The following EPHA3 variants were observed in gnomAD, a reference collection of about 807,000 sequenced individuals.
EPHA3 encodes the protein EPH receptor A3.
In EPHA3, 42 loss-of-function variants were observed where a neutral mutation model predicts 107.1. The ratio of observed to expected loss-of-function variants is 0.39; its 90% CI spans 0.31 to 0.51. EPHA3 has a LOEUF of 0.51. Ranked by LOEUF, EPHA3 falls within the 20% of genes least tolerant of loss-of-function variation. EPHA3 has a pLI of 0.78. For synonymous variants in EPHA3, 461 were observed against 424.8 expected (o/e 1.09, Z -1.05); for missense variants, 1,183 against 1,211.2 (o/e 0.98, Z 0.35).
intron 13 of EPHA3, among the ~76,000 whole-genome samples, chr3:89,440,058 A>T (rs575457166): frequency 6.6e-6 from 1 of 152,088 alleles, no homozygotes; most frequent in African/African-American, 2.4e-5. Flanking sequence ...TCTTGTGGCA[A>T]TCAACATTTG....
rs571545158 is a variant in EPHA3, at chr3:89,319,811, A to C, written c.815-21105A>C. Among the ~76,000 whole-genome samples the C allele has an allele frequency of 1.3e-3, 192 of 152,092 alleles. 1 individual carries two copies. Among genetic ancestry groups the C allele is most frequent in the African/African-American group, 4.4e-3 (184 of 41,538 alleles). ...GAATTCCCTATAATTAAAAATTATT[A>C]GTGGTTTTCAGTAGAGGCTCATGGT... On this transcript the variant is annotated intron_variant, in intron 3 of 16. Coordinates refer to ENST00000336596, the MANE Select transcript of EPHA3 (RefSeq NM_005233.6).
intron 15 of EPHA3, among the ~76,000 whole-genome samples, chr3:89,471,029 T>C (rs539178720): frequency 3.3e-5 from 5 of 152,280 alleles, no homozygotes; most frequent in African/African-American, 1.2e-4. Context: ...TTATTATTCA[T>C]CCAAAACTAA....
chr3:89,379,163 A>G (rs1468581920), intron 5 of EPHA3, among the ~76,000 whole-genome samples: 1 of 152,172 alleles, frequency 6.6e-6, no homozygotes, highest in Non-Finnish European at 1.5e-5. Flanking sequence ...TGTGAGGTAT[A>G]AAGTTATTTA....
intron 3 of EPHA3, among the ~76,000 whole-genome samples, chr3:89,239,077 G>A (rs373235292): frequency 7.2e-5 from 11 of 152,148 alleles, no homozygotes; most frequent in Non-Finnish European, 1.6e-4. Flanking sequence ...CACAGTATGC[G>A]AGAGTGATTA....
intron 3 of EPHA3, among the ~76,000 whole-genome samples, chr3:89,232,871 T>A (rs1179689820): frequency 6.6e-6 from 1 of 152,204 alleles, no homozygotes; most frequent in Admixed American, 6.5e-5. Context: ...ATTAGAAAGA[T>A]AACAGGCAAT....
chr3:89,366,518 C>A (rs1000630075), intron 5 of EPHA3, among the ~76,000 whole-genome samples: 2 of 150,656 alleles, frequency 1.3e-5, no homozygotes, highest in African/African-American at 2.4e-5. Context: ...AGATCTGATT[C>A]TTGAGAAAGA....
chr3:89,151,662 T>C (rs779892914), intron 2 of EPHA3, among the ~76,000 whole-genome samples: 8 of 152,194 alleles, frequency 5.3e-5, no homozygotes, highest in Non-Finnish European at 1.0e-4. Flanking sequence ...GGTTCAATCA[T>C]TGGAGCATAA....
intron 15 of EPHA3, among the ~76,000 whole-genome samples, chr3:89,468,472 C>G (rs1576394128): frequency 6.6e-6 from 1 of 152,274 alleles, no homozygotes; most frequent in Non-Finnish European, 1.5e-5. Flanking sequence ...AGGCACACTT[C>G]ATAAATATTC....
At position 89,476,607 on chromosome 3, in the gene EPHA3, T is replaced by G. The variant is rs1444502340; in HGVS notation, c.2847-2790T>G. On this transcript the variant is annotated intron_variant, in intron 16 of 16. Coordinates refer to ENST00000336596, the MANE Select transcript of EPHA3 (RefSeq NM_005233.6). ...TATTTTTATTTATTTATTTATTTAT[T>G]TATTTATTTAATTTTTTTGAGGCGG... Among the ~76,000 whole-genome samples the G allele has an allele frequency of 4.3e-4, 63 of 145,194 alleles. 2 individuals carry two copies. In the Admixed American group the frequency reaches 4.4e-3, roughly 10 times the overall value.
chr3:89,301,227 TTCAAAAATATTTTG>T (rs1265092149), intron 3 of EPHA3, among the ~76,000 whole-genome samples: 4 of 152,120 alleles, frequency 2.6e-5, no homozygotes, highest in African/African-American at 9.7e-5. Flanking sequence ...GAAAAGAATT[TTCAAAAATATTTTG>T]AGTGTAGCAA....
intron 2 of EPHA3, among the ~76,000 whole-genome samples, chr3:89,163,577 T>C (rs532231256): frequency 4.0e-5 from 6 of 150,768 alleles, no homozygotes; most frequent in African/African-American, 9.7e-5. Context: ...TAATATCCAA[T>C]GTATACTTCT....
intron 5 of EPHA3, among the ~76,000 whole-genome samples, chr3:89,356,183 A>T (rs989820925): frequency 6.6e-6 from 1 of 150,866 alleles, no homozygotes; most frequent in East Asian, 1.9e-4. Context: ...TTATGGCTGC[A>T]TAGTATTCCA....
chr3:89,461,137 C>A (rs1710230843), intron 15 of EPHA3, among the ~76,000 whole-genome samples: 1 of 90,232 alleles, frequency 1.1e-5, no homozygotes, highest in South Asian at 3.3e-4. Flanking sequence ...TCATCCATGT[C>A]CCTACAAAGG....
At chr3:89,453,547 A>T (rs1710037205) in intron 15 of EPHA3, among the ~76,000 whole-genome samples, 1 of 152,218 alleles carries the variant, frequency 6.6e-6, no homozygotes, top group Non-Finnish European at 1.5e-5. Flanking sequence ...TGTACAGAAT[A>T]TAAACATTTG....
At chr3:89,110,953 T>G (rs1707092083) in intron 1 of EPHA3, among the ~76,000 whole-genome samples, 1 of 151,972 alleles carries the variant, frequency 6.6e-6, no homozygotes, top group Non-Finnish European at 1.5e-5. Flanking sequence ...ACTAAATCAT[T>G]TTTTCTATCC....
chr3:89,335,473 G>A (rs929494503), intron 3 of EPHA3, among the ~76,000 whole-genome samples: 6 of 152,170 alleles, frequency 3.9e-5, no homozygotes, highest in African/African-American at 1.4e-4. Context: ...ATCATAGCAA[G>A]TGTCTAGGTC....
At chr3:89,239,485 T>C (rs1704845254) in intron 3 of EPHA3, among the ~76,000 whole-genome samples, 1 of 152,230 alleles carries the variant, frequency 6.6e-6, no homozygotes, top group Non-Finnish European at 1.5e-5. Context: ...ATCTTGCTGC[T>C]GGTGCTGTAA....
At chr3:89,349,796 T>C (rs1358253217) in intron 5 of EPHA3, among the ~76,000 whole-genome samples, 210 of 150,108 alleles carry the variant, frequency 1.4e-3, no homozygotes, top group African/African-American at 4.8e-3. Context: ...TCAGGAGCTC[T>C]TTTAGGGCAG....
At chr3:89,131,680 G>A (rs1437423813) in intron 2 of EPHA3, among the ~76,000 whole-genome samples, 5 of 152,100 alleles carry the variant, frequency 3.3e-5, no homozygotes, top group African/African-American at 1.2e-4. Flanking sequence ...CAGGGTTCAG[G>A]GAGTGTAGAA....
Sources: gnomAD v4.1 joint callset for allele counts (sites outside exome capture counted in the v4.1 genomes callset) on GRCh38, gnomAD v4.1.1 for gene constraint, MANE v1.5 for transcripts, NCBI Gene and HGNC (gene_info 2026-07-23, HGNC 2026-07-21) for gene names.